PAK2: variants seen among roughly 807,000 people sequenced by gnomAD.
PAK2 encodes p21 (RAC1) activated kinase 2, also known as serine/threonine-protein kinase PAK 2.
A neutral mutation model predicts 65.9 loss-of-function variants in PAK2; 21 were observed. That is an observed-to-expected ratio of 0.32 (90% CI 0.23 to 0.46). The LOEUF is 0.46. Among genes scored for constraint, PAK2 ranks in the 20% least tolerant of loss-of-function variants. The pLI, the probability that PAK2 is intolerant of heterozygous loss-of-function variation, is 1.00. For missense variants in PAK2, 324 were observed against 642.6 expected, an observed-to-expected ratio of 0.50 and a Z score of 5.36; for synonymous variants, 204 against 219.7, an observed-to-expected ratio of 0.93 and a Z score of 0.63.
rs11401261 is a variant in PAK2, at chr3:196,791,922, C to CA, written c.187+9104dup. 0.33 allele frequency among the ~76,000 whole-genome samples: 45,517 copies of CA among 138,136 alleles called. 7,367 individuals carry two copies. Among genetic ancestry groups the CA allele is most frequent in the Non-Finnish European group, 0.38 (24,356 of 63,662 alleles). The allele number at this position is 138,136 out of a possible 152,430, so 90.6% of individuals were successfully genotyped here. A position where few individuals can be genotyped will look rare whatever the true frequency, so the allele number is the denominator to read the frequency against. ...CCTGGGCGACAGAGCGAGACTCCGT[C>CA]AAAAAAAAAAAAAAAGAAATAGAAT... On this transcript the variant is annotated intron_variant, in intron 2 of 14. Transcript: ENST00000327134. This position sits in a 1 kb window ranked among gnomAD's most constrained non-coding sequence, Gnocchi z 4.0.
Position 196,810,629 on chromosome 3 carries a change from CA to C in PAK2, c.751del (p.Arg251AspfsTer40). The C allele has an allele frequency of 1.3e-6, 2 of 1,550,136 alleles. No homozygotes were observed. The highest frequency in any genetic ancestry group is 1.8e-6 in the Non-Finnish European group (2 of 1,122,982). On this transcript the variant is annotated frameshift_variant, in exon 8 of 15. Transcript: ENST00000327134. LOFTEE classifies it high-confidence loss of function. Reference sequence around the variant, plus strand: ...ATAGGTGACCCTAAGAAAAAATATACAAGATATGAAAAAATTGGACAAGGGT... The same window carrying C: ...ATAGGTGACCCTAAGAAAAAATATACAGATATGAAAAAATTGGACAAGGGT... ...VSIGDPKKKY[T>X]RYEKIGQGAS...
intron 1 of PAK2, among the ~76,000 whole-genome samples, chr3:196,744,270 C>T (rs1276247597): frequency 2.0e-5 from 3 of 152,068 alleles, no homozygotes; most frequent in African/African-American, 7.2e-5. Flanking sequence ...GTGGTAAAAA[C>T]TTTTAAGACA....
At chr3:196,763,147 T>C (rs1276429938) in intron 1 of PAK2, among the ~76,000 whole-genome samples, 1 of 152,122 alleles carries the variant, frequency 6.6e-6, no homozygotes, top group African/African-American at 2.4e-5. Context: ...TGGTTGTAAA[T>C]CACTGAATGG....
intron 1 of PAK2, among the ~76,000 whole-genome samples, chr3:196,780,167 C>T (rs1457156297): frequency 6.6e-6 from 1 of 152,210 alleles, no homozygotes; most frequent in South Asian, 2.1e-4. Flanking sequence ...GCCTTAGATC[C>T]TGCCCTCATT....
intron 2 of PAK2, among the ~76,000 whole-genome samples, chr3:196,800,108 C>G (rs1477724680): frequency 6.6e-6 from 1 of 152,214 alleles, no homozygotes; most frequent in Non-Finnish European, 1.5e-5. Flanking sequence ...CAGCCAGGTG[C>G]AGTGGCTCAT....
At chr3:196,773,590 T>C (rs1051697341) in intron 1 of PAK2, among the ~76,000 whole-genome samples, 7 of 152,086 alleles carry the variant, frequency 4.6e-5, no homozygotes, top group African/African-American at 1.7e-4. Context: ...AGAAAACAAG[T>C]TCAGGCCGGG....
intron 1 of PAK2, among the ~76,000 whole-genome samples, chr3:196,771,120 AC>A (rs1279447143): frequency 4.6e-5 from 7 of 152,128 alleles, no homozygotes; most frequent in Admixed American, 1.3e-4. Context: ...TTTAAAAAAA[AC>A]AATTGTCTCA....
At position 196,814,436 on chromosome 3, in the gene PAK2, A is replaced by C; in HGVS notation, c.936-15A>C. 1.1e-6 allele frequency: 1 copy of C among 896,144 alleles called. No individual in the cohort carries two copies. Among genetic ancestry groups the C allele is most frequent in the Non-Finnish European group, 1.8e-6 (1 of 549,592 alleles). The allele number at this position is 896,144 out of a possible 1,614,324, so 55.5% of individuals were successfully genotyped here. A position where few individuals can be genotyped will look rare whatever the true frequency, so the allele number is the denominator to read the frequency against. ...AAATAAAAGTGTGACTGTATTTGGT[A>C]TGTTGTATTTTTAGTTACCTGGTAG... On this transcript the variant is annotated splice_polypyrimidine_tract_variant and intron_variant, in intron 10 of 14. Transcript: ENST00000327134.
chr3:196,762,708 C>T (rs1460845337), intron 1 of PAK2, among the ~76,000 whole-genome samples: 1 of 149,004 alleles, frequency 6.7e-6, no homozygotes, highest in Non-Finnish European at 1.5e-5. Flanking sequence ...GAGAGGAGAA[C>T]CGCTTTAACC....
intron 1 of PAK2, among the ~76,000 whole-genome samples, chr3:196,769,982 A>G (rs1577710089): frequency 6.6e-6 from 1 of 152,162 alleles, no homozygotes; most frequent in Non-Finnish European, 1.5e-5. Flanking sequence ...TAGGCCGGAC[A>G]TGGCAGCTCA....
At chr3:196,823,963 T>A (rs1340848207) in intron 13 of PAK2, among the ~76,000 whole-genome samples, 1 of 152,110 alleles carries the variant, frequency 6.6e-6, no homozygotes, top group Admixed American at 6.6e-5. Flanking sequence ...GAGATTGACC[T>A]TCACGTGTAT....
chr3:196,789,868 G>A (rs904025130), intron 2 of PAK2, among the ~76,000 whole-genome samples: 3 of 152,218 alleles, frequency 2.0e-5, no homozygotes, highest in African/African-American at 7.2e-5. Context: ...GGAGTGTGCA[G>A]CCTAGATCCC....
intron 1 of PAK2, among the ~76,000 whole-genome samples, chr3:196,745,943 A>G (rs1713362922): frequency 6.6e-6 from 1 of 151,250 alleles, no homozygotes; most frequent in South Asian, 2.1e-4. Flanking sequence ...TGAGAATAAT[A>G]GTAACTTCAG....
chr3:196,740,968 C>T (rs1029495398), intron 1 of PAK2, among the ~76,000 whole-genome samples: 2 of 152,164 alleles, frequency 1.3e-5, no homozygotes, highest in Non-Finnish European at 1.5e-5. Context: ...TTGTACCCAT[C>T]CTTGTATCTT....
At chr3:196,747,445 A>G (rs1459250793) in intron 1 of PAK2, 2 of 152,128 alleles carry the variant, frequency 1.3e-5, no homozygotes, top group Admixed American at 6.6e-5. Flanking sequence ...GTATTTTCCA[A>G]ATAGCTGGTG....
At chr3:196,795,821 G>A (rs544407841) in intron 2 of PAK2, among the ~76,000 whole-genome samples, 130 of 152,332 alleles carry the variant, frequency 8.5e-4, no homozygotes, top group Non-Finnish European at 1.6e-3. Context: ...TGGAAATGTG[G>A]ACTCACAGGA....
Position 196,814,515 on chromosome 3 carries a change from G to A in PAK2, c.1000G>A (p.Val334Met). ...EYLAGGSLTDVVTETCMDEAQ... is the reference protein window; with the variant it reads ...EYLAGGSLTDMVTETCMDEAQ... Reference sequence around the variant, plus strand: ...CCTTGCTGGGGGGTCACTCACTGATGTGGTAACAGAAACGTGCATGGATGA... The same window carrying A: ...CCTTGCTGGGGGGTCACTCACTGATATGGTAACAGAAACGTGCATGGATGA... Residue 334 changes from valine (V) to methionine (M), a missense_variant, in exon 11 of 15, where the codon GTG becomes ATG. By Grantham distance (21) the Val-to-Met change is conservative. Coordinates refer to ENST00000327134, the MANE Select transcript of PAK2 (RefSeq NM_002577.4). The A allele has an allele frequency of 1.9e-6, 3 of 1,562,968 alleles. No homozygotes were observed. Among genetic ancestry groups the A allele is most frequent in the Non-Finnish European group, 2.6e-6 (3 of 1,138,678 alleles).
At chr3:196,740,382 C>T (rs1713147962) in intron 1 of PAK2, among the ~76,000 whole-genome samples, 1 of 152,198 alleles carries the variant, frequency 6.6e-6, no homozygotes, top group Non-Finnish European at 1.5e-5. Flanking sequence ...AAATGGGAAG[C>T]TCGCTGGGCT....
At chr3:196,777,448 C>T (rs183539926) in intron 1 of PAK2, among the ~76,000 whole-genome samples, 15 of 152,288 alleles carry the variant, frequency 9.8e-5, no homozygotes, top group African/African-American at 3.6e-4. Context: ...AAGTAATCCC[C>T]CGACCTTGGC....
Sources: allele counts gnomAD v4.1 joint callset (sites outside exome capture counted in the v4.1 genomes callset), GRCh38; gene constraint gnomAD v4.1.1; non-coding constraint Gnocchi (gnomAD v3.1); transcripts MANE v1.5; gene names NCBI Gene and HGNC (gene_info 2026-07-23, HGNC 2026-07-21).